STK32B: variants seen among roughly 807,000 people sequenced by gnomAD.
STK32B encodes the protein serine/threonine-protein kinase 32B.
A neutral mutation model predicts 52.6 loss-of-function variants in STK32B; 43 were observed. The observed-to-expected ratio is 0.82, with a 90% confidence interval of 0.64 to 1.05. The LOEUF (loss-of-function observed/expected upper bound fraction) is 1.05. STK32B is among the 50% of genes least tolerant of loss of function. The probability of loss-of-function intolerance (pLI) is 0.00; values close to 1 mark genes in which losing one functional copy is unlikely to be tolerated. For missense variants in STK32B, 621 were observed against 534.6 expected (o/e 1.16, Z -1.59); for synonymous variants, 238 against 204.3 (o/e 1.17, Z -1.41).
intron 4 of STK32B, among the ~76,000 whole-genome samples, chr4:5,354,520 C>G (rs1042341579): frequency 3.3e-5 from 5 of 152,236 alleles, no homozygotes; most frequent in African/African-American, 1.2e-4. Context: ...CCCACCTTGA[C>G]CTCTCAAAGT....
At chr4:5,157,884 G>C (rs1189057662) in intron 2 of STK32B, among the ~76,000 whole-genome samples, 1 of 152,156 alleles carries the variant, frequency 6.6e-6, no homozygotes, top group Non-Finnish European at 1.5e-5. Flanking sequence ...ATCATCTTTG[G>C]AATTCTTAAC....
chr4:5,042,794 T>C, the STK32B span, among the ~76,000 whole-genome samples: 1 of 152,158 alleles, frequency 6.6e-6, no homozygotes, highest in African/African-American at 2.4e-5. Context: ...GAGTAGCCAA[T>C]AGCTCCTAGG....
chr4:5,266,490 A>C (rs867247729), intron 3 of STK32B, among the ~76,000 whole-genome samples: 1 of 152,234 alleles, frequency 6.6e-6, no homozygotes. Flanking sequence ...AATTAAATTC[A>C]CACATGGGAC....
rs76343242 is a variant in STK32B, at chr4:5,449,528, G to A, written c.666+2752G>A. Among the ~76,000 whole-genome samples the A allele has an allele frequency of 4.7e-3, 711 of 152,344 alleles. 19 individuals carry two copies. In the East Asian group the frequency reaches 0.068, roughly 15 times the overall value. On this transcript the variant is annotated intron_variant, in intron 7 of 11. Coordinates refer to ENST00000282908, the MANE Select transcript of STK32B (RefSeq NM_018401.3). ...ATGGACAGCAGAGGGACCAAGTCCT[G>A]TTGGCAGGTTTGAGACCACAGTGCA...
Position 5,395,270 on chromosome 4 carries a change from C to T in STK32B, c.435-2937C>T, listed in dbSNP as rs562070911. ...CCACCAAGTTTGCCCTGTAACATAA[C>T]TGAATTAAGGGGGTGACACCCATCA... On this transcript the variant is annotated intron_variant, in intron 4 of 11. Coordinates refer to ENST00000282908, the MANE Select transcript of STK32B (RefSeq NM_018401.3). The surrounding 1 kb of genome is among the most constrained non-coding windows in gnomAD (Gnocchi z 4.4). Among the ~76,000 whole-genome samples, 2 of 145,278 alleles carry T rather than the reference C, an allele frequency of 1.4e-5. No individual in the cohort carries two copies. The highest frequency in any genetic ancestry group is 4.2e-4 in the South Asian group (2 of 4,792).
At chr4:5,293,853 A>G (rs570277640) in intron 3 of STK32B, among the ~76,000 whole-genome samples, 11 of 152,064 alleles carry the variant, frequency 7.2e-5, no homozygotes, top group Admixed American at 1.3e-4. Flanking sequence ...TTAGTCATGA[A>G]GTCTTTGCCC....
intron 4 of STK32B, among the ~76,000 whole-genome samples, chr4:5,345,922 C>G (rs1410710837): frequency 6.6e-6 from 1 of 152,228 alleles, no homozygotes; most frequent in Non-Finnish European, 1.5e-5. Flanking sequence ...CCCTGAAGTT[C>G]TTGGCATTCC....
chr4:5,496,457 G>A (rs891555355), intron 11 of STK32B, among the ~76,000 whole-genome samples: 14 of 152,172 alleles, frequency 9.2e-5, no homozygotes, highest in Admixed American at 2.0e-4. Context: ...GGAGTGACCC[G>A]ATTTTCCAGG....
At chr4:5,237,601 T>C (rs566978878) in intron 3 of STK32B, among the ~76,000 whole-genome samples, 2 of 152,134 alleles carry the variant, frequency 1.3e-5, no homozygotes, top group Admixed American at 6.5e-5. Context: ...AAATGACTTA[T>C]TAAAAAGAGA....
intron 1 of STK32B, among the ~76,000 whole-genome samples, chr4:5,134,587 T>C (rs1373122361): frequency 6.6e-6 from 1 of 152,232 alleles, no homozygotes; most frequent in Non-Finnish European, 1.5e-5. Context: ...GACTAAGGCA[T>C]ATCAGAAACC....
intron 6 of STK32B, among the ~76,000 whole-genome samples, chr4:5,433,021 C>T (rs1400147774): frequency 6.6e-6 from 1 of 152,144 alleles, no homozygotes; most frequent in Admixed American, 6.5e-5. Flanking sequence ...TTACCACTTT[C>T]ATAACCCCTT....
At chr4:5,074,916 A>G (rs1246072767) in intron 1 of STK32B, among the ~76,000 whole-genome samples, 22 of 152,078 alleles carry the variant, frequency 1.4e-4, no homozygotes, top group Non-Finnish European at 2.9e-5. Context: ...GGGACTTGGT[A>G]CTTACTCTTA....
chr4:5,416,311 G>T, intron 5 of STK32B, among the ~76,000 whole-genome samples: 1 of 151,986 alleles, frequency 6.6e-6, no homozygotes, highest in East Asian at 1.9e-4. Context: ...GGTGCACCCA[G>T]CCTATCCATG....
intron 3 of STK32B, among the ~76,000 whole-genome samples, chr4:5,316,162 A>T (rs191677897): frequency 4.8e-4 from 41 of 86,090 alleles, no homozygotes; most frequent in African/African-American, 1.8e-3. Flanking sequence ...AATATATATA[A>T]CTAAATATAT....
intron 6 of STK32B, among the ~76,000 whole-genome samples, chr4:5,425,811 C>A (rs1029470157): frequency 6.6e-6 from 1 of 152,182 alleles, no homozygotes; most frequent in Non-Finnish European, 1.5e-5. Flanking sequence ...TCCCTGGCAA[C>A]CAGCAATTGA....
At chr4:5,207,287 G>C (rs1577194041) in intron 3 of STK32B, among the ~76,000 whole-genome samples, 1 of 152,216 alleles carries the variant, frequency 6.6e-6, no homozygotes, top group Non-Finnish European at 1.5e-5. Context: ...ATCCCCATGT[G>C]TCATGAGACG....
At chr4:5,333,736 C>T (rs1732433156) in intron 4 of STK32B, among the ~76,000 whole-genome samples, 1 of 152,156 alleles carries the variant, frequency 6.6e-6, no homozygotes, top group South Asian at 2.1e-4. Flanking sequence ...AATAGGGAAT[C>T]CTTTCCCCAT....
At chr4:5,172,815 T>G (rs1719496907) in intron 3 of STK32B, among the ~76,000 whole-genome samples, 1 of 152,246 alleles carries the variant, frequency 6.6e-6, no homozygotes, top group Non-Finnish European at 1.5e-5. Flanking sequence ...AGGATGATAC[T>G]GGCCTCATAA....
chr4:5,438,758 A>G (rs34536607), intron 6 of STK32B, among the ~76,000 whole-genome samples: 14,270 of 152,100 alleles, frequency 0.094, 1,025 homozygotes, highest in East Asian at 0.4. Flanking sequence ...CTCCCTCCCC[A>G]CACCCCACAA....
Sources: gnomAD v4.1 joint callset for allele counts (sites outside exome capture counted in the v4.1 genomes callset) on GRCh38, gnomAD v4.1.1 for gene constraint, Gnocchi (gnomAD v3.1) non-coding constraint, MANE v1.5 for transcripts, NCBI Gene and HGNC (gene_info 2026-07-23, HGNC 2026-07-21) for gene names.